The following INPP5A variants were observed in gnomAD, a reference collection of about 807,000 sequenced individuals.
INPP5A encodes the protein inositol polyphosphate-5-phosphatase A.
In INPP5A, 14 loss-of-function variants were observed where a neutral mutation model predicts 65.2. The observed-to-expected ratio is 0.21, with a 90% CI of 0.14 to 0.34. The LOEUF is 0.34. Among genes scored for constraint, INPP5A ranks in the 10% least tolerant of loss-of-function variants. The pLI is 1.00. For synonymous variants in INPP5A, 207 were observed against 208.3 expected, an observed-to-expected ratio of 0.99 and a Z score of 0.05; for missense variants, 431 against 545.6, an observed-to-expected ratio of 0.79 and a Z score of 2.09.
intron 6 of INPP5A, among the ~76,000 whole-genome samples, chr10:132,699,185 G>A (rs887289782): frequency 2.0e-5 from 3 of 152,266 alleles, no homozygotes; most frequent in Middle Eastern, 3.4e-3. Flanking sequence ...CAGGCCCATC[G>A]GAAGGGCAGG....
rs567938140 is a variant in INPP5A at position 132,762,164 on chromosome 10, G to C, written c.904-3609G>C. 3.9e-5 allele frequency among the ~76,000 whole-genome samples: 6 copies of C among 152,150 alleles called. No individual in the cohort carries two copies. The highest frequency in any genetic ancestry group is 1.4e-4 in the African/African-American group (6 of 41,416). ...CTGGGAGAGGAGGGAAGAGCCCAGC[G>C]CTTGCGCAGTGAGGGTCCACGAGGG... On this transcript the variant is annotated intron_variant, in intron 11 of 15. Transcript: ENST00000368594. The surrounding 1 kb of genome is among the most constrained non-coding windows in gnomAD (Gnocchi z 4.6).
rs116366537 is a variant in INPP5A at position 132,675,333 on chromosome 10, T to G, written c.307-15059T>G. Among the ~76,000 whole-genome samples, 743 of 152,276 alleles carry G rather than the reference T, an allele frequency of 4.9e-3. 3 individuals carry two copies. Among genetic ancestry groups the G allele is most frequent in the African/African-American group, 0.017 (695 of 41,556 alleles). ...ACATCTCCTAAGATTGAAGGTGAAATAGACATTTTAACTCAAATGAAAAAC... is the reference window on the plus strand; with the variant it reads ...ACATCTCCTAAGATTGAAGGTGAAAGAGACATTTTAACTCAAATGAAAAAC... On this transcript the variant is annotated intron_variant, in intron 4 of 15. Transcript: ENST00000368594. This position sits in a 1 kb window ranked among gnomAD's most constrained non-coding sequence, Gnocchi z 4.2.
intron 13 of INPP5A, among the ~76,000 whole-genome samples, chr10:132,778,611 TGCCCAACACCCA>T (rs1847104218): frequency 6.6e-6 from 1 of 152,314 alleles, no homozygotes; most frequent in East Asian, 1.9e-4. Context: ...ACTGCAGCTG[TGCCCAACACCCA>T]GAGCCGGGGC....
Position 132,705,940 on chromosome 10 carries a change from T to G in INPP5A, c.475-2373T>G, listed in dbSNP as rs1194918767. ...AGACTCACCCCAAATAAAGTTGATT[T>G]CTTGGGAAAAGCTGACAGACTTTAA... On this transcript the variant is annotated intron_variant, in intron 6 of 15. Transcript: ENST00000368594. This position sits in a 1 kb window ranked among gnomAD's most constrained non-coding sequence, Gnocchi z 4.9. Among the ~76,000 whole-genome samples, 1 of 152,184 alleles carries G rather than the reference T, an allele frequency of 6.6e-6. No individual in the cohort carries two copies. The highest frequency in any genetic ancestry group is 1.9e-4 in the East Asian group (1 of 5,202).
At chr10:132,756,344 A>G (rs903062924) in intron 11 of INPP5A, among the ~76,000 whole-genome samples, 3 of 151,962 alleles carry the variant, frequency 2.0e-5, no homozygotes, top group Middle Eastern at 3.4e-3. Context: ...TGTGTGGTGT[A>G]TGCATGTGTG....
chr10:132,763,484 C>A (rs1258068126), intron 11 of INPP5A, among the ~76,000 whole-genome samples: 1 of 152,276 alleles, frequency 6.6e-6, no homozygotes, highest in African/African-American at 2.4e-5. Context: ...TGAGTAAATG[C>A]CTGCATGCAA....
At chr10:132,598,889 A>G (rs765109474) in intron 1 of INPP5A, among the ~76,000 whole-genome samples, 1 of 152,192 alleles carries the variant, frequency 6.6e-6, no homozygotes, top group Non-Finnish European at 1.5e-5. Context: ...AAAAGCGGAA[A>G]CCTCTGATAA....
Position 132,777,747 on chromosome 10 carries a change from C to T in INPP5A, c.1054C>T (p.Leu352Phe), listed in dbSNP as rs901603906. The change falls in exon 13 of 16, where the codon CTC becomes TTC. Residue 352 changes from leucine to phenylalanine, a missense_variant. Physicochemically the swap from Leu to Phe is conservative, Grantham distance 22. Coordinates refer to ENST00000368594, the MANE Select transcript of INPP5A (RefSeq NM_005539.5). ...TRCPAWCDRI[L>F]MSPSAKELVL... ...GTGCCCAGCCTGGTGTGACCGCATC[C>T]TCATGTCCCCGTCTGCCAAGGAGCT... The T allele has an allele frequency of 1.2e-6, 2 of 1,613,120 alleles. No homozygotes were observed. Among genetic ancestry groups the T allele is most frequent in the Non-Finnish European group, 8.5e-7 (1 of 1,179,994 alleles).
intron 8 of INPP5A, among the ~76,000 whole-genome samples, chr10:132,719,872 G>T (rs559820640): frequency 6.9e-6 from 1 of 143,978 alleles, no homozygotes. Flanking sequence ...CTGTCTGGGC[G>T]CCTTAGACGG....
rs577637293 is a variant in INPP5A at position 132,637,425 on chromosome 10, T to A, written c.118-8443T>A. ...GAGTGTGTAAGTGCGGGTCTTTTTCTGTTTTGAAGTTTTCCTGGGTTATAG... is the reference window on the plus strand; with the variant it reads ...GAGTGTGTAAGTGCGGGTCTTTTTCAGTTTTGAAGTTTTCCTGGGTTATAG... On this transcript the variant is annotated intron_variant, in intron 2 of 15. Coordinates refer to ENST00000368594, the MANE Select transcript of INPP5A (RefSeq NM_005539.5). The surrounding 1 kb of genome is among the most constrained non-coding windows in gnomAD (Gnocchi z 4.1). 6.6e-6 allele frequency among the ~76,000 whole-genome samples: 1 copy of A among 151,096 alleles called. No homozygotes were observed. The highest frequency in any genetic ancestry group is 2.1e-4 in the South Asian group (1 of 4,700).
At chr10:132,689,443 GGTTT>G (rs1242341514) in intron 4 of INPP5A, among the ~76,000 whole-genome samples, 4 of 152,224 alleles carry the variant, frequency 2.6e-5, no homozygotes, top group East Asian at 3.9e-4. Context: ...CTATGAGATA[GGTTT>G]GTTTGTTAAG....
intron 5 of INPP5A, among the ~76,000 whole-genome samples, chr10:132,693,513 G>A (rs1845300420): frequency 6.6e-6 from 1 of 152,104 alleles, no homozygotes; most frequent in South Asian, 2.1e-4. Context: ...AAACTTAAAT[G>A]GGCCAAAAGA....
rs144665059 is a variant in INPP5A, at chr10:132,749,801, G to C, written c.859G>C (p.Asp287His). 2.3e-4 allele frequency: 373 copies of C among 1,613,112 alleles called. No individual in the cohort carries two copies. Among genetic ancestry groups the C allele is most frequent in the Non-Finnish European group, 3.1e-4 (363 of 1,180,006 alleles). Residue 287 changes from aspartate to histidine, a missense_variant, in exon 11 of 16, where the codon GAC (aspartate) becomes CAC (histidine). Physicochemically the swap from Asp to His is moderately conservative, Grantham distance 81. Coordinates refer to ENST00000368594, the MANE Select transcript of INPP5A (RefSeq NM_005539.5). Reference sequence around the variant, plus strand: ...GCTCCAGTTAGAAAAGAAACTCTTCGACTACTTCAACCAGGAGGTTTTCCG... The same window carrying C: ...GCTCCAGTTAGAAAAGAAACTCTTCCACTACTTCAACCAGGAGGTTTTCCG... Reference protein sequence around the residue: ...VMLQLEKKLFDYFNQEVFRDN... With the variant: ...VMLQLEKKLFHYFNQEVFRDN...
rs1045057828 is a variant in INPP5A at position 132,603,053 on chromosome 10, G to A, written c.76-4862G>A. 2.0e-5 allele frequency among the ~76,000 whole-genome samples: 3 copies of A among 152,166 alleles called. No homozygotes were observed. The highest frequency in any genetic ancestry group is 7.2e-5 in the African/African-American group (3 of 41,430). On this transcript the variant is annotated intron_variant, in intron 1 of 15. Coordinates refer to ENST00000368594, the MANE Select transcript of INPP5A (RefSeq NM_005539.5). This position sits in a 1 kb window ranked among gnomAD's most constrained non-coding sequence, Gnocchi z 4.2. ...AAGGATCTAATATAGCATTTTAAAA[G>A]TAAATATTTAACTAGTCCTAGTATT...
intron 6 of INPP5A, among the ~76,000 whole-genome samples, chr10:132,699,972 G>A (rs1255027914): frequency 2.6e-5 from 4 of 152,182 alleles, no homozygotes; most frequent in Non-Finnish European, 2.9e-5. Context: ...TCTGAGTGTG[G>A]CCCCTGGCCT....
At chr10:132,770,196 G>A (rs1846924452) in intron 12 of INPP5A, among the ~76,000 whole-genome samples, 1 of 152,060 alleles carries the variant, frequency 6.6e-6, no homozygotes, top group Admixed American at 6.5e-5. Context: ...GTCTCCTCTG[G>A]GCAGGCTGAG....
intron 1 of INPP5A, among the ~76,000 whole-genome samples, chr10:132,567,455 A>G (rs1297146550): frequency 6.6e-6 from 1 of 152,206 alleles, no homozygotes; most frequent in Non-Finnish European, 1.5e-5. Context: ...CCCTTGGGCA[A>G]CTTTTAAAAA....
chr10:132,625,857 TG>T (rs2072176109), intron 2 of INPP5A, among the ~76,000 whole-genome samples: 2 of 149,012 alleles, frequency 1.3e-5, no homozygotes, highest in African/African-American at 4.9e-5. Flanking sequence ...TGTGTGTGTG[TG>T]TGTGTGTGTG....
chr10:132,671,321 G>T, intron 4 of INPP5A, among the ~76,000 whole-genome samples: 1 of 148,314 alleles, frequency 6.7e-6, no homozygotes, highest in South Asian at 2.2e-4. Flanking sequence ...CGAGGCTTGT[G>T]CCCTCCCTGC....
Sources: gnomAD v4.1 joint callset for allele counts (sites outside exome capture counted in the v4.1 genomes callset) on GRCh38, gnomAD v4.1.1 for gene constraint, Gnocchi (gnomAD v3.1) non-coding constraint, MANE v1.5 for transcripts, NCBI Gene and HGNC (gene_info 2026-07-23, HGNC 2026-07-21) for gene names.